SEC24D: variants seen among roughly 807,000 people sequenced by gnomAD.
SEC24D encodes SEC24 homolog D, COPII component, also known as protein transport protein Sec24D.
Under a neutral mutation model 116.9 loss-of-function variants are expected in SEC24D, and 69 were observed. That is an observed-to-expected ratio of 0.59 (90% CI 0.49 to 0.72). The LOEUF is 0.72. SEC24D is among the 30% of genes least tolerant of loss of function. The pLI is 0.00. For missense variants in SEC24D, 1,131 were observed against 1,264.1 expected (o/e 0.89, Z 1.60); for synonymous variants, 405 against 442.8 (o/e 0.91, Z 1.07).
At chr4:118,751,960 T>C in intron 13 of SEC24D, 36 bp downstream of exon 13, 1 of 1,349,260 alleles carries the variant, frequency 7.4e-7, no homozygotes, top group Non-Finnish European at 1.1e-6. Context: ...GTTTTTAAAA[T>C]TTATTTACTA....
intron 8 of SEC24D, among the ~76,000 whole-genome samples, chr4:118,787,153 C>A (rs1257884879): frequency 6.6e-6 from 1 of 152,172 alleles, no homozygotes; most frequent in Non-Finnish European, 1.5e-5. Context: ...ACTATATAAA[C>A]AGTGACCAAA....
chr4:118,749,290 A>C (rs1188974397), intron 13 of SEC24D, among the ~76,000 whole-genome samples: 1 of 152,196 alleles, frequency 6.6e-6, no homozygotes, highest in East Asian at 1.9e-4. Context: ...ACTTTTCAAA[A>C]GGACGCATAA....
chr4:118,770,087 A>G (rs1255241751), intron 8 of SEC24D, among the ~76,000 whole-genome samples: 1 of 152,208 alleles, frequency 6.6e-6, no homozygotes, highest in African/African-American at 2.4e-5. Flanking sequence ...AAGACAGAGA[A>G]TAAACTTTCA....
intron 8 of SEC24D, among the ~76,000 whole-genome samples, chr4:118,777,253 T>A (rs1185866783): frequency 6.6e-6 from 1 of 152,198 alleles, no homozygotes; most frequent in African/African-American, 2.4e-5. Flanking sequence ...CTCCTAATGC[T>A]ATCCCTCCCC....
chr4:118,789,106 ACT>A (rs1728780777), intron 8 of SEC24D, among the ~76,000 whole-genome samples: 1 of 152,230 alleles, frequency 6.6e-6, no homozygotes, highest in South Asian at 2.1e-4. Context: ...AAAAATAAAT[ACT>A]GTTTTATTGA....
At chr4:118,736,409 CA>C in intron 19 of SEC24D, 1 of 159,102 alleles carries the variant, frequency 6.3e-6, no homozygotes, top group Non-Finnish European at 1.4e-5. Context: ...TTGGCTCCAG[CA>C]ATTCAGTAAA....
intron 8 of SEC24D, among the ~76,000 whole-genome samples, chr4:118,793,466 C>CA (rs70944815): frequency 0.097 from 6,669 of 68,846 alleles, 573 homozygotes; most frequent in African/African-American, 0.13. Context: ...GACTCCGTCT[C>CA]AAAAAAAAAA....
intron 14 of SEC24D, 109 bp from the exon 15 acceptor site, chr4:118,744,267 G>T: frequency 8.7e-7 from 1 of 1,151,576 alleles, no homozygotes. Flanking sequence ...TGGAAAAATA[G>T]ACATTTTCCC....
chr4:118,779,194 A>T (rs568609619), intron 8 of SEC24D, among the ~76,000 whole-genome samples: 2 of 152,280 alleles, frequency 1.3e-5, no homozygotes, highest in South Asian at 4.1e-4. Flanking sequence ...TTTCAAAGGG[A>T]ATGCTTCCAG....
chr4:118,755,865 A>C (rs1215136963), intron 11 of SEC24D, among the ~76,000 whole-genome samples: 1 of 152,210 alleles, frequency 6.6e-6, no homozygotes, highest in Non-Finnish European at 1.5e-5. Context: ...CTTTTAAAAG[A>C]GAGATCGGAA....
Position 118,723,475 on chromosome 4 carries a change from T to C in SEC24D, c.*40A>G, listed in dbSNP as rs1725247070. 6 of 1,582,324 alleles carry C rather than the reference T, an allele frequency of 3.8e-6. No homozygotes were observed. The highest frequency in any genetic ancestry group is 1.8e-5 in the Admixed American group (1 of 54,726). ...AAATTAGGCACCAAGAAGGAGATTA[T>C]CTCCTTGGAAATGCAACATCAATGA... On this transcript the variant is annotated 3_prime_UTR_variant, in exon 23 of 23. Coordinates refer to ENST00000280551, the MANE Select transcript of SEC24D (RefSeq NM_014822.4).
chr4:118,798,871 T>C (rs746075658), intron 7 of SEC24D, among the ~76,000 whole-genome samples: 2 of 152,154 alleles, frequency 1.3e-5, no homozygotes, highest in South Asian at 2.1e-4. Flanking sequence ...AGGAGGCCCA[T>C]GGAGCTGGAA....
Position 118,738,271 on chromosome 4 carries a change from G to A in SEC24D, c.2486C>T (p.Ala829Val). ...CAATAGGTAGCTCACCTGGCTTGCT[G>A]CAGAAGGACTTGCACAATTCTTCCG... Reference protein sequence around the residue: ...CYRKNCASPSAASQLILPDSM... With the variant: ...CYRKNCASPSVASQLILPDSM... The change falls in exon 19 of 23, where the codon GCA (alanine) becomes GTA (valine). Residue 829 changes from alanine to valine, a missense_variant. Physicochemically the swap from Ala to Val is moderately conservative, Grantham distance 64 (BLOSUM62 0). Transcript: ENST00000280551. 1 of 1,610,468 alleles carries A rather than the reference G, an allele frequency of 6.2e-7. No homozygotes were observed. The highest frequency in any genetic ancestry group is 2.2e-5 in the East Asian group (1 of 44,836).
intron 8 of SEC24D, among the ~76,000 whole-genome samples, chr4:118,788,395 T>G (rs1728746930): frequency 6.6e-6 from 1 of 152,240 alleles, no homozygotes; most frequent in Non-Finnish European, 1.5e-5. Context: ...AGTGGAGACC[T>G]GAAATTATTT....
At chr4:118,746,677 G>A (rs1378193843) in intron 13 of SEC24D, among the ~76,000 whole-genome samples, 1 of 151,988 alleles carries the variant, frequency 6.6e-6, no homozygotes, top group Non-Finnish European at 1.5e-5. Flanking sequence ...TGTTCCCTTG[G>A]CCTGGAATCC....
At chr4:118,783,061 G>A (rs554392685) in intron 8 of SEC24D, among the ~76,000 whole-genome samples, 7 of 152,174 alleles carry the variant, frequency 4.6e-5, no homozygotes, top group Non-Finnish European at 8.8e-5. Context: ...TGGGCTTCCC[G>A]GGTGAGGCGA....
chr4:118,792,211 G>A (rs1417971063), intron 8 of SEC24D, among the ~76,000 whole-genome samples: 3 of 151,088 alleles, frequency 2.0e-5, no homozygotes, highest in African/African-American at 7.3e-5. Flanking sequence ...GTCTCTGACC[G>A]GCCGCCCCGT....
chr4:118,805,970 T>TC lies in SEC24D; in HGVS notation c.802-17dup. On this transcript the variant is annotated splice_polypyrimidine_tract_variant and intron_variant, in intron 6 of 22. Transcript: ENST00000280551. ...TCACCTGGATCTGATAAATAAGACA[T>TC]CAAGAGCCCGTTAAAGTAGGTTCCA... The TC allele has an allele frequency of 6.5e-7, 1 of 1,536,102 alleles. No homozygotes were observed. Among genetic ancestry groups the TC allele is most frequent in the Non-Finnish European group, 8.9e-7 (1 of 1,117,610 alleles).
At chr4:118,810,381 C>A (rs1254640198) in intron 6 of SEC24D, among the ~76,000 whole-genome samples, 1 of 151,792 alleles carries the variant, frequency 6.6e-6, no homozygotes, top group Non-Finnish European at 1.5e-5. Context: ...AAGGTAGGAC[C>A]AAGAGAATTA....
Sources: gnomAD v4.1 joint callset for allele counts (sites outside exome capture counted in the v4.1 genomes callset) on GRCh38, gnomAD v4.1.1 for gene constraint, MANE v1.5 for transcripts, NCBI Gene and HGNC (gene_info 2026-07-23, HGNC 2026-07-21) for gene names.